RBFOX1: variants seen among roughly 807,000 people sequenced by gnomAD.
RBFOX1 encodes RNA binding fox-1 homolog 1, also known as RNA binding protein fox-1 homolog 1.
In RBFOX1, 8 loss-of-function variants were observed where a neutral mutation model predicts 57.7. That is an observed-to-expected ratio of 0.14 (90% CI 0.08 to 0.25). RBFOX1 has a LOEUF of 0.25. Among genes scored for constraint, RBFOX1 ranks in the 10% least tolerant of loss-of-function variants. RBFOX1 has a pLI of 1.00. For synonymous variants in RBFOX1, 326 were observed against 222.4 expected (o/e 1.47, Z -4.15); for missense variants, 611 against 548.5 (o/e 1.11, Z -1.14).
chr16:6,760,915 C>A (rs1034500037), intron 3 of RBFOX1, among the ~76,000 whole-genome samples: 2 of 152,138 alleles, frequency 1.3e-5, no homozygotes, highest in Admixed American at 6.5e-5. Flanking sequence ...CCTAGCACTG[C>A]GTCTGGTCAA....
At chr16:7,467,569 C>G (rs1333706844) in intron 4 of RBFOX1, among the ~76,000 whole-genome samples, 3 of 152,204 alleles carry the variant, frequency 2.0e-5, no homozygotes, top group African/African-American at 4.8e-5. Flanking sequence ...AATCCCAGCT[C>G]TGTCATTTAG....
At chr16:6,612,706 G>T (rs1036082537) in intron 2 of RBFOX1, among the ~76,000 whole-genome samples, 3 of 151,808 alleles carry the variant, frequency 2.0e-5, no homozygotes, top group African/African-American at 7.3e-5. Context: ...ACAAAAATTA[G>T]CCGGGTGTGG....
At chr16:5,343,932 C>G (rs528426395) in intron 1 of RBFOX1, among the ~76,000 whole-genome samples, 1 of 152,276 alleles carries the variant, frequency 6.6e-6, no homozygotes, top group African/African-American at 2.4e-5. Flanking sequence ...GCTTGTGTCT[C>G]TTTCAGGACG....
At chr16:6,805,395 G>A (rs1006374737) in intron 3 of RBFOX1, among the ~76,000 whole-genome samples, 1 of 152,182 alleles carries the variant, frequency 6.6e-6, no homozygotes, top group South Asian at 2.1e-4. Context: ...CTGGAGGATA[G>A]AGGGTAGGAG....
chr16:7,608,100 T>A (rs2056704959), intron 10 of RBFOX1, among the ~76,000 whole-genome samples: 1 of 152,226 alleles, frequency 6.6e-6, no homozygotes. Context: ...CTTAGTAGGT[T>A]TGCCACATGG....
Position 6,127,252 on chromosome 16 carries a change from A to G in RBFOX1, c.-127+107260A>G, listed in dbSNP as rs1174433063. On this transcript the variant is annotated intron_variant, in intron 1 of 15. Coordinates refer to ENST00000550418, the MANE Select transcript of RBFOX1 (RefSeq NM_018723.4). ...TTAAACAGCAGAACAAACCTATTCCATATCTCAGATTATTTTGTCTCTCTC... is the reference window on the plus strand; with the variant it reads ...TTAAACAGCAGAACAAACCTATTCCGTATCTCAGATTATTTTGTCTCTCTC... Among the ~76,000 whole-genome samples the G allele has an allele frequency of 2.0e-5, 3 of 151,908 alleles. No individual in the cohort carries two copies. In the East Asian group the frequency reaches 5.8e-4, roughly 29 times the overall value.
intron 3 of RBFOX1, among the ~76,000 whole-genome samples, chr16:6,801,248 C>G (rs940261805): frequency 1.3e-5 from 2 of 149,342 alleles, no homozygotes; most frequent in Admixed American, 6.7e-5. Flanking sequence ...TTTTGCCATG[C>G]AATTAAAATG....
intron 4 of RBFOX1, among the ~76,000 whole-genome samples, chr16:5,988,118 G>A (rs996259877): frequency 2.6e-5 from 4 of 152,258 alleles, no homozygotes; most frequent in Middle Eastern, 3.4e-3. Flanking sequence ...GATTCAATTC[G>A]CATTCTATCT....
intron 2 of RBFOX1, among the ~76,000 whole-genome samples, chr16:6,614,284 C>G (rs982534866): frequency 6.6e-6 from 1 of 151,976 alleles, no homozygotes; most frequent in Admixed American, 6.6e-5. Flanking sequence ...GAAAGAATCC[C>G]TTCTGAGTCT....
intron 5 of RBFOX1, among the ~76,000 whole-genome samples, chr16:7,554,253 G>C (rs1271567267): frequency 6.6e-6 from 1 of 152,214 alleles, no homozygotes; most frequent in Non-Finnish European, 1.5e-5. Flanking sequence ...GGAATGCACA[G>C]AAATATTTAG....
intron 3 of RBFOX1, among the ~76,000 whole-genome samples, chr16:5,859,558 A>G (rs533018637): frequency 1.3e-5 from 2 of 152,310 alleles, no homozygotes; most frequent in South Asian, 2.1e-4. Flanking sequence ...GGTTCTGAAA[A>G]TCACTTGCCA....
chr16:7,492,073 C>G (rs920524611), intron 4 of RBFOX1, among the ~76,000 whole-genome samples: 5 of 152,132 alleles, frequency 3.3e-5, no homozygotes, highest in African/African-American at 1.2e-4. Context: ...GGAACGAGCT[C>G]AATTTTCAGC....
intron 7 of RBFOX1, among the ~76,000 whole-genome samples, chr16:7,592,788 T>C (rs2094509829): frequency 6.6e-6 from 1 of 152,130 alleles, no homozygotes; most frequent in African/African-American, 2.4e-5. Flanking sequence ...AATCTATAGA[T>C]ATCAGCAATA....
intron 4 of RBFOX1, among the ~76,000 whole-genome samples, chr16:5,918,657 T>A (rs1326437956): frequency 6.6e-6 from 1 of 152,182 alleles, no homozygotes; most frequent in Non-Finnish European, 1.5e-5. Flanking sequence ...GCATTCCTTA[T>A]CTCCAGGAAA....
chr16:7,428,589 T>A (rs1289899238), intron 4 of RBFOX1, among the ~76,000 whole-genome samples: 10 of 150,700 alleles, frequency 6.6e-5, no homozygotes, highest in Admixed American at 4.0e-4. Flanking sequence ...CAGGCTGGTA[T>A]CAAACTCCTG....
intron 3 of RBFOX1, among the ~76,000 whole-genome samples, chr16:6,677,021 G>C (rs1017841445): frequency 1.1e-4 from 17 of 152,028 alleles, no homozygotes; most frequent in Admixed American, 2.6e-4. Context: ...CAAAAGACTT[G>C]AAAAAGAATA....
At chr16:7,678,216 T>A (rs1366863024) in intron 14 of RBFOX1, among the ~76,000 whole-genome samples, 1 of 152,176 alleles carries the variant, frequency 6.6e-6, no homozygotes, top group African/African-American at 2.4e-5. Flanking sequence ...AGGTTCTCAA[T>A]ACATAAATTA....
intron 1 of RBFOX1, among the ~76,000 whole-genome samples, chr16:5,258,288 A>G (rs1265028380): frequency 2.6e-5 from 4 of 152,182 alleles, no homozygotes; most frequent in Admixed American, 6.5e-5. Context: ...AAAAACTATT[A>G]ACGTTTGCAA....
At chr16:6,755,615 C>A (rs1047187666) in intron 3 of RBFOX1, among the ~76,000 whole-genome samples, 1 of 152,166 alleles carries the variant, frequency 6.6e-6, no homozygotes, top group African/African-American at 2.4e-5. Context: ...TCATGAAGAA[C>A]TGTGGCTCTT....
Sources: allele counts gnomAD v4.1 joint callset (sites outside exome capture counted in the v4.1 genomes callset), GRCh38; gene constraint gnomAD v4.1.1; transcripts MANE v1.5; gene names NCBI Gene and HGNC (gene_info 2026-07-23, HGNC 2026-07-21).